Variants in SECISBP2L observed in about 807,000 individuals in gnomAD.
The protein encoded by SECISBP2L is SECIS binding protein 2 like, also known as selenocysteine insertion sequence-binding protein 2-like.
SECISBP2L carries 43 observed loss-of-function variants against 114.7 expected under a neutral mutation model. The ratio of observed to expected loss-of-function variants is 0.38; its 90% CI spans 0.29 to 0.48. SECISBP2L has a LOEUF of 0.48. SECISBP2L is among the 20% of genes least tolerant of loss of function. The pLI is 0.98. For missense variants in SECISBP2L, 1,136 were observed against 1,301.1 expected (o/e 0.87, Z 1.95); for synonymous variants, 451 against 439.7 (o/e 1.03, Z -0.32).
intron 8 of SECISBP2L, among the ~76,000 whole-genome samples, chr15:49,017,994 T>C (rs930021019): frequency 1.4e-4 from 22 of 152,326 alleles, no homozygotes; most frequent in African/African-American, 5.1e-4. Context: ...TTTATTAATA[T>C]ACTCCTTGTT....
intron 1 of SECISBP2L, 133 bp from the exon 2 acceptor site, chr15:49,037,902 A>C: frequency 1.8e-6 from 1 of 570,422 alleles, no homozygotes; most frequent in Middle Eastern, 5.0e-4. Flanking sequence ...AAAACATCCA[A>C]AAGGAAGAGC....
At chr15:49,038,929 A>G (rs1903065856) in intron 1 of SECISBP2L, among the ~76,000 whole-genome samples, 1 of 152,236 alleles carries the variant, frequency 6.6e-6, no homozygotes, top group African/African-American at 2.4e-5. Flanking sequence ...CCACCAAAAC[A>G]TAGTTGTAAG....
chr15:49,000,927 T>A lies in SECISBP2L; in HGVS notation c.2198A>T (p.Lys733Met). The part of the protein sequence containing the change: ...REVTKHMKLN[K>M]IKCVIISPNC... ...TGGAGAAATTATAACACACTTGATC[T>A]TGTTTAACTTCATATGTTTGGTAAC... The change falls in exon 15 of 18, where the codon AAG becomes ATG. Residue 733 changes from lysine to methionine, a missense_variant. Physicochemically the swap from Lys to Met is moderately conservative, Grantham distance 95. Around this residue, in one of 2 missense-constraint regions of SECISBP2L, gnomAD observed 684 missense variants for 848.7 expected, o/e 0.81. Transcript: ENST00000559471. The A allele has an allele frequency of 6.2e-7, 1 of 1,613,726 alleles. No homozygotes were observed.
rs1295934521 is a variant in SECISBP2L at position 48,989,685 on chromosome 15, A to T, written c.*2559T>A. 6.6e-6 allele frequency: 1 copy of T among 152,204 alleles called. No homozygotes were observed. The highest frequency in any genetic ancestry group is 1.5e-5 in the Non-Finnish European group (1 of 68,020). 9.4% of individuals were successfully genotyped at this position (152,204 alleles called of 1,614,324 possible). ...TAGAAATCTATTATTAATTATTGCCAGTAAAACCACCTCTACACATTAAGA... is the reference window on the plus strand; with the variant it reads ...TAGAAATCTATTATTAATTATTGCCTGTAAAACCACCTCTACACATTAAGA... On this transcript the variant is annotated 3_prime_UTR_variant, in exon 18 of 18. Transcript: ENST00000559471.
At position 49,028,139 on chromosome 15, in the gene SECISBP2L, A is replaced by G. The variant is rs1409174891; in HGVS notation, c.919+5T>C. On this transcript the variant is annotated splice_donor_5th_base_variant and intron_variant, in intron 6 of 17. Coordinates refer to ENST00000559471, the MANE Select transcript of SECISBP2L (RefSeq NM_001193489.2). ...TAGCAAAAACACAATGCAGAAAACA[A>G]GTACCTGCACACATAGATGATTCCA... 1.9e-6 allele frequency: 3 copies of G among 1,578,154 alleles called. No individual in the cohort carries two copies. Among genetic ancestry groups the G allele is most frequent in the Non-Finnish European group, 2.6e-6 (3 of 1,161,338 alleles).
chr15:49,033,518 T>C (rs1902940112), intron 3 of SECISBP2L, among the ~76,000 whole-genome samples: 1 of 152,080 alleles, frequency 6.6e-6, no homozygotes, highest in African/African-American at 2.4e-5. Flanking sequence ...TGGTTTCTGC[T>C]TCAGAGTTCA....
chr15:49,001,459 CTTT>C (rs35210250), intron 14 of SECISBP2L, among the ~76,000 whole-genome samples: 2 of 144,512 alleles, frequency 1.4e-5, no homozygotes, highest in Admixed American at 1.4e-4. Context: ...ACATCGTATT[CTTT>C]TTTTTTTTTT....
chr15:49,039,240 A>C (rs982084717), intron 1 of SECISBP2L, among the ~76,000 whole-genome samples: 1 of 152,206 alleles, frequency 6.6e-6, no homozygotes, highest in Non-Finnish European at 1.5e-5. Context: ...TTGGTTTCTT[A>C]AAGATTAACA....
At chr15:49,024,238 C>T (rs1300003543) in intron 7 of SECISBP2L, among the ~76,000 whole-genome samples, 1 of 152,158 alleles carries the variant, frequency 6.6e-6, no homozygotes, top group East Asian at 1.9e-4. Flanking sequence ...TGGCTCACCC[C>T]TGTAATCCCA....
At chr15:48,996,299 G>C (rs1902083170) in intron 17 of SECISBP2L, 68 bp downstream of exon 17, 14 of 1,380,608 alleles carry the variant, frequency 1.0e-5, no homozygotes, top group South Asian at 8.0e-5. Context: ...AAAAATAAAA[G>C]GTAGAATAGA....
chr15:49,025,218 C>A (rs1442892565), intron 7 of SECISBP2L, among the ~76,000 whole-genome samples: 3 of 152,174 alleles, frequency 2.0e-5, no homozygotes, highest in Non-Finnish European at 4.4e-5. Context: ...GCAATAACCA[C>A]ATGGAAGAGT....
intron 8 of SECISBP2L, 196 bp from the exon 9 acceptor site, chr15:49,017,824 G>A (rs879740976): frequency 1.6e-5 from 7 of 433,386 alleles, no homozygotes; most frequent in South Asian, 3.7e-5. Flanking sequence ...GGATGGGGGC[G>A]TATCCACACA....
intron 1 of SECISBP2L, 84 bp from the exon 2 acceptor site, chr15:49,037,853 T>C (rs1248417849): frequency 8.4e-7 from 1 of 1,189,908 alleles, no homozygotes; most frequent in African/African-American, 1.5e-5. Flanking sequence ...GAAGAGTCAG[T>C]CCTTATAAAC....
intron 13 of SECISBP2L, among the ~76,000 whole-genome samples, chr15:49,011,209 C>T (rs1595786596): frequency 6.6e-6 from 1 of 152,100 alleles, no homozygotes; most frequent in Non-Finnish European, 1.5e-5. Context: ...AAGAAATCTG[C>T]GGTTTTACTA....
At chr15:49,016,425 CACACATACATATATAT>C (rs1173728564) in intron 11 of SECISBP2L, 119 bp downstream of exon 11, 8 of 711,586 alleles carry the variant, frequency 1.1e-5, no homozygotes, top group Non-Finnish European at 1.7e-5. Context: ...CACACACAAA[CACACATACATATATAT>C]ACACACACAC....
At chr15:49,016,366 G>C (rs904382409) in intron 11 of SECISBP2L, 194 bp downstream of exon 11, 1 of 465,030 alleles carries the variant, frequency 2.2e-6, no homozygotes, top group East Asian at 3.4e-5. Context: ...GGTGTGGAAA[G>C]GAGCATGGAC....
chr15:49,010,159 C>T (rs1902409597), intron 13 of SECISBP2L, among the ~76,000 whole-genome samples: 1 of 43,882 alleles, frequency 2.3e-5, no homozygotes, highest in Non-Finnish European at 5.8e-5. Flanking sequence ...ACACACCCCT[C>T]TTGCCAGATC....
intron 1 of SECISBP2L, among the ~76,000 whole-genome samples, chr15:49,040,527 CTTTTTTTTTT>C (rs66527715): frequency 1.4e-3 from 88 of 63,184 alleles, no homozygotes; most frequent in African/African-American, 4.9e-3. Context: ...CCAAACTATT[CTTTTTTTTTT>C]TTTTTTTTTT....
chr15:49,028,608 T>C lies in SECISBP2L; in HGVS notation c.739A>G (p.Arg247Gly). 6.2e-7 allele frequency: 1 copy of C among 1,614,140 alleles called. No homozygotes were observed. The highest frequency in any genetic ancestry group is 8.5e-7 in the Non-Finnish European group (1 of 1,179,998). The part of the protein sequence containing the change: ...ATMLWKSKGR[R>G]RRASHPTAES... ...GCAGTAGGGTGGGATGCTCTTCTTC[T>C]CCTGCCCTTGGACTTCCAGAGCATT... Residue 247 changes from arginine to glycine, a missense_variant, in exon 5 of 18, where the codon AGA becomes GGA. By Grantham distance (125) the Arg-to-Gly change is moderately radical. Around this residue, in one of 2 missense-constraint regions of SECISBP2L, gnomAD observed 452 missense variants for 452.3 expected, o/e 1.00. Transcript: ENST00000559471.
Sources: gnomAD v4.1 joint callset for allele counts (sites outside exome capture counted in the v4.1 genomes callset) on GRCh38, gnomAD v4.1.1 for gene constraint, gnomAD v4.1.1 regional missense constraint, MANE v1.5 for transcripts, NCBI Gene and HGNC (gene_info 2026-07-23, HGNC 2026-07-21) for gene names.